PCDHA8: variants seen among roughly 807,000 people sequenced by gnomAD.
PCDHA8 encodes the protein protocadherin alpha-8.
PCDHA8 carries 53 observed loss-of-function variants against 61.8 expected under a neutral mutation model. The observed-to-expected ratio is 0.86, with a 90% CI of 0.69 to 1.08. The LOEUF (loss-of-function observed/expected upper bound fraction) is 1.08. PCDHA8 is among the 50% of genes least tolerant of loss of function. The probability of loss-of-function intolerance (pLI) is 0.00; values close to 1 mark genes in which losing one functional copy is unlikely to be tolerated. For missense variants in PCDHA8, 1,293 were observed against 1,245.0 expected, an observed-to-expected ratio of 1.04 and a Z score of -0.58; for synonymous variants, 618 against 556.6, an observed-to-expected ratio of 1.11 and a Z score of -1.55.
At chr5:140,932,810 A>G (rs925757508) in intron 1 of PCDHA8, among the ~76,000 whole-genome samples, 1 of 151,958 alleles carries the variant, frequency 6.6e-6, no homozygotes, top group Non-Finnish European at 1.5e-5. Flanking sequence ...CCTTGGAAAC[A>G]TATAAGTGGG....
At chr5:140,999,494 C>G (rs2097859711) in intron 3 of PCDHA8, among the ~76,000 whole-genome samples, 1 of 152,064 alleles carries the variant, frequency 6.6e-6, no homozygotes, top group Non-Finnish European at 1.5e-5. Context: ...CTATGTTACC[C>G]AAGAACCTAC....
intron 1 of PCDHA8, chr5:140,870,988 G>T: frequency 6.2e-7 from 1 of 1,613,492 alleles, no homozygotes; most frequent in Non-Finnish European, 8.5e-7. Flanking sequence ...GTACACGGGC[G>T]AGATAAGCAC....
intron 1 of PCDHA8, among the ~76,000 whole-genome samples, chr5:140,871,971 G>A (rs2053418279): frequency 6.6e-6 from 1 of 152,204 alleles, no homozygotes; most frequent in South Asian, 2.1e-4. Context: ...GTCTTCCTAT[G>A]ATGTCCAGGT....
At chr5:140,898,984 C>T (rs1237034997) in intron 1 of PCDHA8, among the ~76,000 whole-genome samples, 3 of 151,964 alleles carry the variant, frequency 2.0e-5, no homozygotes, top group Non-Finnish European at 4.4e-5. Flanking sequence ...TGATTTGGCT[C>T]TCTGTTTGTC....
Position 140,850,129 on chromosome 5 carries a change from TG to T in PCDHA8, c.2394+6417del, listed in dbSNP as rs2150469009. On this transcript the variant is annotated intron_variant, in intron 1 of 3. Coordinates refer to ENST00000531613, the MANE Select transcript of PCDHA8 (RefSeq NM_018911.3). Reference sequence around the variant, plus strand: ...GCGCGCGACGCGGGCGTGCCGCCTCTGGGCAGCAACGTGACGCTGCAGGTGT... The same window carrying T: ...GCGCGCGACGCGGGCGTGCCGCCTCTGGCAGCAACGTGACGCTGCAGGTGT... 23 of 1,595,784 alleles carry T rather than the reference TG, an allele frequency of 1.4e-5. 1 individual carries two copies. The South Asian group carries it at 2.4e-4, about 17-fold the overall frequency.
chr5:140,926,629 G>C, intron 1 of PCDHA8: 1 of 406,364 alleles, frequency 2.5e-6, no homozygotes, highest in Non-Finnish European at 4.2e-6. Flanking sequence ...GCGGCGCTGC[G>C]CTCCTCAACA....
At chr5:141,002,555 A>T (rs1349538713) in intron 3 of PCDHA8, among the ~76,000 whole-genome samples, 1 of 152,222 alleles carries the variant, frequency 6.6e-6, no homozygotes, top group African/African-American at 2.4e-5. Flanking sequence ...CCCAGGATCC[A>T]CCAGTTAGTG....
intron 1 of PCDHA8, among the ~76,000 whole-genome samples, chr5:140,920,380 T>C (rs1386655132): frequency 2.0e-5 from 3 of 152,246 alleles, no homozygotes; most frequent in Non-Finnish European, 4.4e-5. Flanking sequence ...TGTGGATTCA[T>C]ATTACCATCT....
intron 1 of PCDHA8, among the ~76,000 whole-genome samples, chr5:140,922,848 C>A (rs1345344826): frequency 6.6e-6 from 1 of 151,962 alleles, no homozygotes; most frequent in Non-Finnish European, 1.5e-5. Context: ...TCAAAGAGAC[C>A]AAATACATAG....
chr5:140,947,321 A>C (rs1365578593), intron 1 of PCDHA8, among the ~76,000 whole-genome samples: 5 of 151,748 alleles, frequency 3.3e-5, no homozygotes, highest in East Asian at 3.9e-4. Flanking sequence ...AAGTCGGTTG[A>C]CCATAAATGT....
intron 1 of PCDHA8, among the ~76,000 whole-genome samples, chr5:140,924,894 C>CAAAA (rs782133089): frequency 2.8e-5 from 2 of 71,514 alleles, no homozygotes; most frequent in Non-Finnish European, 3.2e-5. Flanking sequence ...GAACCTGTCT[C>CAAAA]AAAAAAAAAA....
chr5:140,977,340 G>T (rs2096757114), intron 1 of PCDHA8, among the ~76,000 whole-genome samples: 1 of 152,198 alleles, frequency 6.6e-6, no homozygotes, highest in African/African-American at 2.4e-5. Context: ...GAGAGACGGT[G>T]ATGATGACTG....
At position 141,009,867 on chromosome 5, in the gene PCDHA8, A is replaced by C. The variant is rs374660085; in HGVS notation, c.2783A>C (p.Lys928Thr). 4.3e-6 allele frequency: 7 copies of C among 1,613,976 alleles called. No individual in the cohort carries two copies. The African/African-American group carries it at 9.3e-5, about 22-fold the overall frequency. ...GAGGAGACCAAGAAAAAGAAGAAAA[A>C]GAAGAAGGGTAACAAGACCCAGGAG... Reference protein sequence around the residue: ...KKEETKKKKKKKKGNKTQEKK... With the variant: ...KKEETKKKKKTKKGNKTQEKK... Residue 928 changes from lysine (K) to threonine (T), a missense_variant, in exon 4 of 4, where the codon AAG becomes ACG. Coordinates refer to ENST00000531613, the MANE Select transcript of PCDHA8 (RefSeq NM_018911.3).
chr5:140,841,617 G>C lies in PCDHA8; in HGVS notation c.296G>C (p.Ser99Thr). ...GACCGCGAGGAGCTGTGCGGGCGGA[G>C]CGCGGAGTGCAGCATCCACCTGGAG... The part of the protein sequence containing the change: ...RIDREELCGR[S>T]AECSIHLEVI... Residue 99 changes from serine (S) to threonine (T), a missense_variant, in exon 1 of 4, where the codon AGC becomes ACC. Transcript: ENST00000531613. The C allele has an allele frequency of 1.2e-6, 2 of 1,614,152 alleles. No homozygotes were observed. The highest frequency in any genetic ancestry group is 1.7e-6 in the Non-Finnish European group (2 of 1,180,024).
At chr5:140,873,489 C>G (rs2054319766) in intron 1 of PCDHA8, among the ~76,000 whole-genome samples, 1 of 152,054 alleles carries the variant, frequency 6.6e-6, no homozygotes, top group Admixed American at 6.6e-5. Context: ...CTGATTTCTG[C>G]AAAGTTGTGT....
At chr5:140,933,490 A>G (rs1554209400) in intron 1 of PCDHA8, among the ~76,000 whole-genome samples, 1 of 152,104 alleles carries the variant, frequency 6.6e-6, no homozygotes, top group African/African-American at 2.4e-5. Flanking sequence ...GTTATTCTTT[A>G]GAATTGTTAA....
chr5:140,944,364 T>G (rs1264806074), intron 1 of PCDHA8, among the ~76,000 whole-genome samples: 1 of 152,072 alleles, frequency 6.6e-6, no homozygotes, highest in Non-Finnish European at 1.5e-5. Flanking sequence ...ATTTTTAATT[T>G]TTTATAGAGA....
chr5:140,976,449 G>T (rs1554237649), intron 1 of PCDHA8, among the ~76,000 whole-genome samples: 1 of 152,136 alleles, frequency 6.6e-6, no homozygotes, highest in Non-Finnish European at 1.5e-5. Flanking sequence ...TACTAGGGAG[G>T]CTGGGGAAGA....
intron 1 of PCDHA8, chr5:140,856,806 A>G: frequency 1.3e-6 from 2 of 1,595,552 alleles, no homozygotes; most frequent in African/African-American, 1.3e-5. Context: ...ATGTATGAAA[A>G]TCAAGTGAAC....
Sources: gnomAD v4.1 joint callset for allele counts (sites outside exome capture counted in the v4.1 genomes callset) on GRCh38, gnomAD v4.1.1 for gene constraint, MANE v1.5 for transcripts, NCBI Gene and HGNC (gene_info 2026-07-23, HGNC 2026-07-21) for gene names.